The following TENM2 variants were observed in gnomAD, a reference collection of about 807,000 sequenced individuals.
The protein encoded by TENM2 is teneurin-2.
A neutral mutation model predicts 245.2 loss-of-function variants in TENM2; 52 were observed. The observed-to-expected ratio is 0.21, with a 90% CI of 0.17 to 0.27. The LOEUF is 0.27. TENM2 is among the 10% of genes least tolerant of loss of function. The pLI is 1.00. For synonymous variants in TENM2, 1,363 were observed against 1,438.9 expected, an observed-to-expected ratio of 0.95 and a Z score of 1.19; for missense variants, 3,046 against 3,666.8, an observed-to-expected ratio of 0.83 and a Z score of 4.37.
the TENM2 span, among the ~76,000 whole-genome samples, chr5:167,206,608 C>A: frequency 2.0e-5 from 3 of 152,150 alleles, no homozygotes; most frequent in African/African-American, 7.2e-5. Flanking sequence ...ACAGCTTTTT[C>A]TTCTGTAAAA....
chr5:167,061,350 T>C, the TENM2 span, among the ~76,000 whole-genome samples: 2 of 152,226 alleles, frequency 1.3e-5, no homozygotes, highest in African/African-American at 4.8e-5. Context: ...AACACCTTGC[T>C]CAGATCGCAC....
intron 2 of TENM2, among the ~76,000 whole-genome samples, chr5:167,523,985 A>G (rs1403833613): frequency 6.6e-6 from 1 of 152,190 alleles, no homozygotes; most frequent in Admixed American, 6.5e-5. Flanking sequence ...TCTTGGAGAT[A>G]ATGGTACCCC....
intron 2 of TENM2, among the ~76,000 whole-genome samples, chr5:167,687,173 G>T (rs1007188715): frequency 1.3e-5 from 2 of 152,062 alleles, no homozygotes; most frequent in East Asian, 3.9e-4. Context: ...TGTACTATAG[G>T]GCACCAAGAA....
chr5:167,154,610 T>G, the TENM2 span, among the ~76,000 whole-genome samples: 1 of 152,208 alleles, frequency 6.6e-6, no homozygotes, highest in African/African-American at 2.4e-5. Context: ...GAAGACAAAC[T>G]GAAATTGGGA....
At chr5:167,573,091 C>A (rs1373287820) in intron 2 of TENM2, among the ~76,000 whole-genome samples, 1 of 150,870 alleles carries the variant, frequency 6.6e-6, no homozygotes, top group African/African-American at 2.4e-5. Flanking sequence ...TTCTTTAAGA[C>A]AATTATCAAG....
chr5:167,575,154 T>C (rs892866838), intron 2 of TENM2, among the ~76,000 whole-genome samples: 2 of 151,282 alleles, frequency 1.3e-5, no homozygotes, highest in Non-Finnish European at 1.5e-5. Context: ...CACCTCTGAT[T>C]AGCCAAGTTT....
intron 2 of TENM2, among the ~76,000 whole-genome samples, chr5:167,544,388 G>A (rs1772413061): frequency 6.6e-6 from 1 of 152,090 alleles, no homozygotes; most frequent in South Asian, 2.1e-4. Context: ...ATCACGCGGT[G>A]CCATTTAGCA....
At chr5:167,615,542 G>A (rs991706095) in intron 2 of TENM2, among the ~76,000 whole-genome samples, 3 of 152,072 alleles carry the variant, frequency 2.0e-5, no homozygotes, top group Non-Finnish European at 4.4e-5. Context: ...TAGTTGTGTT[G>A]TAATTTCAGA....
intron 3 of TENM2, among the ~76,000 whole-genome samples, chr5:167,927,272 A>G (rs1186436157): frequency 6.6e-6 from 1 of 152,190 alleles, no homozygotes; most frequent in Non-Finnish European, 1.5e-5. Context: ...GCCACTTTCT[A>G]CTTCTTCCCA....
intron 3 of TENM2, among the ~76,000 whole-genome samples, chr5:167,893,332 G>A (rs1774912971): frequency 6.6e-6 from 1 of 152,188 alleles, no homozygotes; most frequent in South Asian, 2.1e-4. Context: ...AAGGTTGGAT[G>A]ACAGATGTGA....
At chr5:168,243,657 A>C (rs1034588454) in intron 25 of TENM2, among the ~76,000 whole-genome samples, 7 of 152,184 alleles carry the variant, frequency 4.6e-5, no homozygotes, top group African/African-American at 1.7e-4. Flanking sequence ...CCAAGTGTGC[A>C]AATATGCAAA....
chr5:167,466,524 A>T (rs1766663222), intron 2 of TENM2, among the ~76,000 whole-genome samples: 1 of 152,226 alleles, frequency 6.6e-6, no homozygotes, highest in Non-Finnish European at 1.5e-5. Flanking sequence ...TGCAATTATC[A>T]TAGTGGCTGA....
intron 4 of TENM2, among the ~76,000 whole-genome samples, chr5:167,962,779 G>A (rs753121500): frequency 7.2e-4 from 110 of 152,190 alleles, no homozygotes; most frequent in Non-Finnish European, 1.2e-3. Context: ...TCACTATCAC[G>A]ACAACAGTAT....
At chr5:167,745,164 C>T (rs12516791) in intron 2 of TENM2, among the ~76,000 whole-genome samples, 14,972 of 152,262 alleles carry the variant, frequency 0.098, 1,353 homozygotes, top group East Asian at 0.44. Flanking sequence ...AGGGCTAAAA[C>T]GCAGGAATGT....
At chr5:167,376,587 T>A (rs61175961) in intron 2 of TENM2, among the ~76,000 whole-genome samples, 4,341 of 152,262 alleles carry the variant, frequency 0.029, 212 homozygotes, top group African/African-American at 0.099. Flanking sequence ...CAAAAAGATG[T>A]CACTTTTTTG....
chr5:168,154,572 T>C (rs1457803209), intron 12 of TENM2, among the ~76,000 whole-genome samples: 2 of 152,214 alleles, frequency 1.3e-5, no homozygotes, highest in East Asian at 3.8e-4. Flanking sequence ...TTACTGTTTT[T>C]ACAAGTTCAT....
chr5:167,823,354 A>G (rs1435086029), intron 2 of TENM2, among the ~76,000 whole-genome samples: 2 of 152,154 alleles, frequency 1.3e-5, no homozygotes, highest in African/African-American at 4.8e-5. Flanking sequence ...GTGTGTGCAT[A>G]TATGTAATTA....
chr5:167,190,799 C>T, the TENM2 span, among the ~76,000 whole-genome samples: 2 of 152,020 alleles, frequency 1.3e-5, no homozygotes, highest in African/African-American at 2.4e-5. Flanking sequence ...GGGACGTACT[C>T]CTTGTTTGAA....
chr5:168,073,585 G>T (rs1280548143), intron 7 of TENM2, among the ~76,000 whole-genome samples: 1 of 152,178 alleles, frequency 6.6e-6, no homozygotes, highest in Non-Finnish European at 1.5e-5. Context: ...AAGTTTAATG[G>T]CTGTCCCTGT....
Sources: allele counts gnomAD v4.1 joint callset (sites outside exome capture counted in the v4.1 genomes callset), GRCh38; gene constraint gnomAD v4.1.1; transcripts MANE v1.5; gene names NCBI Gene and HGNC (gene_info 2026-07-23, HGNC 2026-07-21).